The following CHRM2 variants were observed in gnomAD, a reference collection of about 807,000 sequenced individuals.
CHRM2 encodes cholinergic receptor muscarinic 2.
CHRM2 carries 8 observed loss-of-function variants against 25.0 expected under a neutral mutation model. The ratio of observed to expected loss-of-function variants is 0.32; its 90% CI spans 0.19 to 0.58. CHRM2 has a LOEUF of 0.58. Ranked by LOEUF, CHRM2 falls within the 20% of genes least tolerant of loss-of-function variation. The probability of loss-of-function intolerance (pLI) is 0.88; values close to 1 mark genes in which losing one functional copy is unlikely to be tolerated. For missense variants in CHRM2, 440 were observed against 567.1 expected (o/e 0.78, Z 2.28); for synonymous variants, 202 against 205.7 (o/e 0.98, Z 0.15).
intron 2 of CHRM2, among the ~76,000 whole-genome samples, chr7:136,905,146 T>C (rs1797461761): frequency 6.6e-6 from 1 of 151,872 alleles, no homozygotes; most frequent in African/African-American, 2.4e-5. Flanking sequence ...TTATTTCAAA[T>C]TGTCTTACAA....
At chr7:136,934,001 C>G (rs1314592479) in intron 2 of CHRM2, among the ~76,000 whole-genome samples, 1 of 152,016 alleles carries the variant, frequency 6.6e-6, no homozygotes, top group Non-Finnish European at 1.5e-5. Context: ...AAAAAATGTT[C>G]TGACATTGAT....
intron 2 of CHRM2, among the ~76,000 whole-genome samples, chr7:136,944,450 A>G (rs1302980343): frequency 1.4e-5 from 2 of 147,230 alleles, no homozygotes; most frequent in Non-Finnish European, 3.0e-5. Context: ...TGGCTGAGTC[A>G]TATTCCATAT....
chr7:136,884,947 GT>G, intron 2 of CHRM2, among the ~76,000 whole-genome samples: 1 of 152,244 alleles, frequency 6.6e-6, no homozygotes, highest in Non-Finnish European at 1.5e-5. Flanking sequence ...CAGTTTTTCT[GT>G]TTGTTTGGTT....
At chr7:136,944,810 C>A (rs1318472001) in intron 2 of CHRM2, among the ~76,000 whole-genome samples, 1 of 151,954 alleles carries the variant, frequency 6.6e-6, no homozygotes, top group African/African-American at 2.4e-5. Context: ...TTTGCCATCA[C>A]TTTTAATGGC....
At chr7:136,982,589 C>T (rs2130980918) in intron 2 of CHRM2, among the ~76,000 whole-genome samples, 1 of 152,198 alleles carries the variant, frequency 6.6e-6, no homozygotes, top group South Asian at 2.1e-4. Context: ...CCGGTTTTTC[C>T]TTTCCATATT....
chr7:136,952,004 G>T (rs1800440127), intron 2 of CHRM2, among the ~76,000 whole-genome samples: 1 of 152,074 alleles, frequency 6.6e-6, no homozygotes. Context: ...TTACTTCCCT[G>T]TTATATGTAC....
intron 2 of CHRM2, among the ~76,000 whole-genome samples, chr7:136,967,117 C>T (rs1174940710): frequency 3.3e-5 from 5 of 151,924 alleles, no homozygotes; most frequent in Non-Finnish European, 5.9e-5. Context: ...TGTCATGGAT[C>T]TTGTACATTT....
At chr7:136,923,688 T>C (rs1584763516) in intron 2 of CHRM2, among the ~76,000 whole-genome samples, 1 of 152,162 alleles carries the variant, frequency 6.6e-6, no homozygotes, top group Non-Finnish European at 1.5e-5. Flanking sequence ...CAAGTGCCTT[T>C]TTTATGTTTT....
At chr7:136,985,004 T>C (rs955720514) in intron 2 of CHRM2, among the ~76,000 whole-genome samples, 2 of 151,916 alleles carry the variant, frequency 1.3e-5, no homozygotes, top group Non-Finnish European at 2.9e-5. Flanking sequence ...AGTAGAATGG[T>C]TTATTCTACA....
At chr7:136,991,173 C>T (rs191151911) in intron 2 of CHRM2, among the ~76,000 whole-genome samples, 103 of 152,136 alleles carry the variant, frequency 6.8e-4, no homozygotes, top group Middle Eastern at 3.4e-3. Flanking sequence ...CATGGATTGC[C>T]TTTGGTGTTG....
chr7:136,977,151 T>TA (rs1201935806), intron 2 of CHRM2, among the ~76,000 whole-genome samples: 1 of 152,220 alleles, frequency 6.6e-6, no homozygotes, highest in Non-Finnish European at 1.5e-5. Context: ...AGCAGATTAG[T>TA]AAGCAACTTG....
At chr7:136,902,243 CCAT>C (rs1797264580) in intron 2 of CHRM2, 1 of 151,904 alleles carries the variant, frequency 6.6e-6, no homozygotes, top group Non-Finnish European at 1.5e-5. Context: ...ATCCATCCAT[CCAT>C]CCATCCATCT....
intron 2 of CHRM2, among the ~76,000 whole-genome samples, chr7:136,882,609 G>A (rs151076183): frequency 1.3e-5 from 2 of 152,134 alleles, no homozygotes; most frequent in African/African-American, 4.8e-5. Flanking sequence ...ATAATACTGA[G>A]TTATTCCTTT....
chr7:136,870,707 C>T (rs1795792041), intron 2 of CHRM2: 1 of 152,370 alleles, frequency 6.6e-6, no homozygotes, highest in Non-Finnish European at 1.5e-5. Context: ...CGCGTAAAGC[C>T]AGCAGAACTG....
At chr7:136,977,481 A>C (rs929866402) in intron 2 of CHRM2, among the ~76,000 whole-genome samples, 6 of 152,208 alleles carry the variant, frequency 3.9e-5, no homozygotes, top group African/African-American at 1.4e-4. Flanking sequence ...TTCTTCAAGT[A>C]AAAAGAAATG....
At chr7:136,992,851 A>G (rs1186681848) in intron 3 of CHRM2, among the ~76,000 whole-genome samples, 1 of 152,168 alleles carries the variant, frequency 6.6e-6, no homozygotes, top group Admixed American at 6.6e-5. Context: ...CTCACACAGG[A>G]GTTGGTGTTG....
intron 3 of CHRM2, among the ~76,000 whole-genome samples, chr7:137,014,259 G>A (rs569081654): frequency 6.6e-6 from 1 of 151,980 alleles, no homozygotes; most frequent in Admixed American, 6.6e-5. Flanking sequence ...GAGTATACTG[G>A]CTATTAAGTA....
intron 2 of CHRM2, among the ~76,000 whole-genome samples, chr7:136,931,161 CAGAT>C (rs1011416326): frequency 1.3e-5 from 2 of 152,042 alleles, no homozygotes; most frequent in African/African-American, 4.8e-5. Context: ...GTGTAAATAA[CAGAT>C]AGAAACATGT....
At chr7:136,881,371 C>T (rs1279836762) in intron 2 of CHRM2, among the ~76,000 whole-genome samples, 1 of 151,622 alleles carries the variant, frequency 6.6e-6, no homozygotes, top group African/African-American at 2.4e-5. Flanking sequence ...CCATTGCATT[C>T]ATTTTTCTTT....
Sources: allele counts gnomAD v4.1 joint callset (sites outside exome capture counted in the v4.1 genomes callset), GRCh38; gene constraint gnomAD v4.1.1; transcripts MANE v1.5; gene names NCBI Gene and HGNC (gene_info 2026-07-23, HGNC 2026-07-21).